The following IQCM variants were observed in gnomAD, a reference collection of about 807,000 sequenced individuals.
IQCM encodes the protein IQ motif containing M.
Under a neutral mutation model 57.6 loss-of-function variants are expected in IQCM, and 45 were observed. The observed-to-expected ratio is 0.78, with a 90% CI of 0.62 to 1.00. IQCM has a LOEUF of 1.00. Ranked by LOEUF, IQCM falls within the 50% of genes least tolerant of loss-of-function variation. IQCM has a pLI of 0.00. For synonymous variants in IQCM, 148 were observed against 158.9 expected (o/e 0.93, Z 0.51); for missense variants, 468 against 511.6 (o/e 0.91, Z 0.82).
intron 2 of IQCM, among the ~76,000 whole-genome samples, chr4:149,798,877 T>A (rs920955138): frequency 6.6e-6 from 1 of 151,800 alleles, no homozygotes; most frequent in African/African-American, 2.4e-5. Flanking sequence ...CCCAATACAA[T>A]AAGAGGTGGA....
At chr4:149,685,533 C>G (rs558617651) in intron 6 of IQCM, among the ~76,000 whole-genome samples, 1 of 151,516 alleles carries the variant, frequency 6.6e-6, no homozygotes, top group Non-Finnish European at 1.5e-5. Flanking sequence ...TTACCCTGAG[C>G]ATGGATCTTC....
chr4:149,353,007 G>T (rs1728682153), intron 13 of IQCM, among the ~76,000 whole-genome samples: 1 of 152,252 alleles, frequency 6.6e-6, no homozygotes, highest in South Asian at 2.1e-4. Context: ...GGAAATTAAT[G>T]ACTTGAGGTG....
At chr4:149,358,832 C>G (rs17686399) in intron 13 of IQCM, among the ~76,000 whole-genome samples, 39,130 of 145,808 alleles carry the variant, frequency 0.27, 5,525 homozygotes, top group Middle Eastern at 0.31. Flanking sequence ...TGTATCATGA[C>G]AGCACAGTGG....
chr4:149,432,697 A>T (rs1734986434), intron 13 of IQCM, among the ~76,000 whole-genome samples: 1 of 151,992 alleles, frequency 6.6e-6, no homozygotes. Flanking sequence ...AGAAAGGACA[A>T]ACTATACACT....
At chr4:149,366,745 T>C (rs1354312223) in intron 13 of IQCM, among the ~76,000 whole-genome samples, 3 of 151,824 alleles carry the variant, frequency 2.0e-5, no homozygotes, top group Non-Finnish European at 4.4e-5. Context: ...ATCTACAACT[T>C]ACTCTAAAAT....
intron 12 of IQCM, among the ~76,000 whole-genome samples, chr4:149,546,764 G>A (rs1748479482): frequency 6.6e-6 from 1 of 152,122 alleles, no homozygotes; most frequent in African/African-American, 2.4e-5. Context: ...CTCCCATTCT[G>A]TAGGTTGTCT....
chr4:149,797,775 T>C (rs973521596), intron 2 of IQCM, among the ~76,000 whole-genome samples: 1 of 151,224 alleles, frequency 6.6e-6, no homozygotes, highest in Non-Finnish European at 1.5e-5. Context: ...TAGTGGCATG[T>C]CATATTTAAA....
chr4:149,494,441 G>T (rs984335560), intron 12 of IQCM, among the ~76,000 whole-genome samples: 1 of 152,044 alleles, frequency 6.6e-6, no homozygotes, highest in East Asian at 1.9e-4. Context: ...TAATGAGATT[G>T]TACTTTTAAT....
chr4:149,810,753 A>G (rs1368060493), intron 2 of IQCM, among the ~76,000 whole-genome samples: 2 of 152,138 alleles, frequency 1.3e-5, no homozygotes, highest in Non-Finnish European at 1.5e-5. Context: ...CCCAGCCCAA[A>G]ACATATAATT....
At chr4:149,675,743 G>A (rs1048314856) in intron 7 of IQCM, among the ~76,000 whole-genome samples, 22 of 152,010 alleles carry the variant, frequency 1.4e-4, no homozygotes, top group Admixed American at 5.3e-4. Flanking sequence ...AACTTGGCAA[G>A]TAGAGAGAAA....
At chr4:149,650,280 T>C (rs926001478) in intron 7 of IQCM, among the ~76,000 whole-genome samples, 4 of 152,124 alleles carry the variant, frequency 2.6e-5, no homozygotes, top group African/African-American at 9.7e-5. Context: ...ATTAGAAATA[T>C]GCTTCTATGA....
chr4:149,794,979 T>A (rs1472375177), intron 2 of IQCM, among the ~76,000 whole-genome samples: 1 of 152,162 alleles, frequency 6.6e-6, no homozygotes, highest in African/African-American at 2.4e-5. Context: ...ACATCTATTA[T>A]AATTACATTA....
In IQCM at chr4:149,594,194, A is replaced by T. The variant is rs879526568; in HGVS notation, c.682-6197T>A. On this transcript the variant is annotated intron_variant, in intron 8 of 13. Coordinates refer to ENST00000636793, the MANE Select transcript of IQCM (RefSeq NM_001363507.2). Reference sequence around the variant, plus strand: ...TCCTGGTTTAGTCTTGGGAGGGTGTATGTGTCGAGGAATTTATCCATTTCT... The same window carrying T: ...TCCTGGTTTAGTCTTGGGAGGGTGTTTGTGTCGAGGAATTTATCCATTTCT... Among the ~76,000 whole-genome samples the T allele has an allele frequency of 4.5e-4, 69 of 152,228 alleles. 1 individual carries two copies. Among genetic ancestry groups the T allele is most frequent in the Admixed American group, 1.4e-3 (21 of 15,276 alleles).
chr4:149,705,228 CCTA>C (rs1764068079), intron 5 of IQCM, among the ~76,000 whole-genome samples: 1 of 144,046 alleles, frequency 6.9e-6, no homozygotes, highest in African/African-American at 2.5e-5. Context: ...ACATATATAT[CCTA>C]CTGTTTCTTT....
At chr4:149,738,679 T>C (rs1030724376) in intron 3 of IQCM, among the ~76,000 whole-genome samples, 1 of 152,078 alleles carries the variant, frequency 6.6e-6, no homozygotes, top group Non-Finnish European at 1.5e-5. Context: ...GCAGCCAAGG[T>C]CAGAAAGCAG....
At chr4:149,383,114 C>A (rs1731193276) in intron 13 of IQCM, among the ~76,000 whole-genome samples, 1 of 152,092 alleles carries the variant, frequency 6.6e-6, no homozygotes, top group Non-Finnish European at 1.5e-5. Flanking sequence ...TGTCCACAGG[C>A]TGAAATAACA....
At chr4:149,807,523 GT>G (rs1340749261) in intron 2 of IQCM, among the ~76,000 whole-genome samples, 3 of 151,640 alleles carry the variant, frequency 2.0e-5, no homozygotes, top group Non-Finnish European at 2.9e-5. Context: ...TCTGGGCAAA[GT>G]TTTTTTTGGA....
At chr4:149,408,886 C>T (rs1047116852) in intron 13 of IQCM, among the ~76,000 whole-genome samples, 10 of 152,106 alleles carry the variant, frequency 6.6e-5, no homozygotes, top group Middle Eastern at 3.2e-3. Context: ...GAGGTCTAGA[C>T]GTGTTTTTTT....
At chr4:149,708,232 G>T (rs1309277315) in intron 5 of IQCM, among the ~76,000 whole-genome samples, 1 of 151,992 alleles carries the variant, frequency 6.6e-6, no homozygotes, top group Non-Finnish European at 1.5e-5. Flanking sequence ...GCAAGTTATT[G>T]TAATGTTATC....
Sources: gnomAD v4.1 joint callset for allele counts (sites outside exome capture counted in the v4.1 genomes callset) on GRCh38, gnomAD v4.1.1 for gene constraint, MANE v1.5 for transcripts, NCBI Gene and HGNC (gene_info 2026-07-23, HGNC 2026-07-21) for gene names.